Variants in GRIK2 observed in about 807,000 individuals in gnomAD.
The protein encoded by GRIK2 is glutamate ionotropic receptor kainate type subunit 2.
GRIK2 carries 32 observed loss-of-function variants against 100.3 expected under a neutral mutation model. The ratio of observed to expected loss-of-function variants is 0.32; its 90% CI spans 0.24 to 0.43. The LOEUF is 0.43. Ranked by LOEUF, GRIK2 falls within the 20% of genes least tolerant of loss-of-function variation. The probability of loss-of-function intolerance (pLI) is 1.00; values close to 1 mark genes in which losing one functional copy is unlikely to be tolerated. For synonymous variants in GRIK2, 417 were observed against 389.4 expected (o/e 1.07, Z -0.83); for missense variants, 843 against 1,114.9 (o/e 0.76, Z 3.47).
intron 2 of GRIK2, among the ~76,000 whole-genome samples, chr6:101,593,272 C>T (rs915951808): frequency 1.3e-5 from 2 of 151,812 alleles, no homozygotes; most frequent in Non-Finnish European, 2.9e-5. Flanking sequence ...AAGCAACTTC[C>T]TTCATAAAGA....
At chr6:101,704,981 A>ACATATATT (rs1773156076) in intron 7 of GRIK2, among the ~76,000 whole-genome samples, 3 of 146,076 alleles carry the variant, frequency 2.1e-5, no homozygotes, top group African/African-American at 7.5e-5. Flanking sequence ...TATTTATATT[A>ACATATATT]TATATTTATA....
At chr6:101,791,391 G>A (rs1014021921) in intron 7 of GRIK2, among the ~76,000 whole-genome samples, 31 of 152,124 alleles carry the variant, frequency 2.0e-4, no homozygotes, top group Non-Finnish European at 4.0e-4. Context: ...GTGTCCCAGC[G>A]ATTCTGGTAT....
chr6:101,436,608 G>A (rs1401029705), intron 2 of GRIK2, among the ~76,000 whole-genome samples: 1 of 152,072 alleles, frequency 6.6e-6, no homozygotes, highest in East Asian at 1.9e-4. Context: ...TCTGGATAGA[G>A]AATATATAAT....
rs145374301 is a variant in GRIK2 at position 101,510,371 on chromosome 6, C to A, written c.115+110979C>A. Among the ~76,000 whole-genome samples the A allele has an allele frequency of 5.3e-3, 803 of 152,186 alleles. 7 individuals are homozygous for A. Among genetic ancestry groups the A allele is most frequent in the African/African-American group, 0.018 (755 of 41,526 alleles). On this transcript the variant is annotated intron_variant, in intron 2 of 16. Transcript: ENST00000369134. ...TCTGGTGGTCATGGTTGAAATGTTG[C>A]TGTAGCACTTCCAATCCCATCATCT...
At chr6:102,062,344 A>C (rs1387765454) in intron 16 of GRIK2, among the ~76,000 whole-genome samples, 2 of 150,484 alleles carry the variant, frequency 1.3e-5, no homozygotes, top group African/African-American at 2.4e-5. Context: ...AGTCCAGGTA[A>C]AAAGCTCAGC....
intron 4 of GRIK2, among the ~76,000 whole-genome samples, chr6:101,660,943 G>A (rs972768573): frequency 3.3e-5 from 5 of 152,100 alleles, no homozygotes; most frequent in Admixed American, 6.6e-5. Context: ...CCAGTCAGGA[G>A]GCATGGGGAT....
intron 16 of GRIK2, among the ~76,000 whole-genome samples, chr6:102,061,428 C>T (rs994145519): frequency 6.7e-6 from 1 of 150,364 alleles, no homozygotes; most frequent in Admixed American, 6.7e-5. Context: ...AGTGTTTCAA[C>T]CATATCAAGC....
At chr6:101,971,206 A>G (rs955042396) in intron 14 of GRIK2, among the ~76,000 whole-genome samples, 3 of 144,414 alleles carry the variant, frequency 2.1e-5, no homozygotes, top group Non-Finnish European at 1.5e-5. Context: ...TTTCAAATAT[A>G]TTTTGTTAGC....
intron 11 of GRIK2, among the ~76,000 whole-genome samples, chr6:101,881,923 A>C (rs1786276886): frequency 6.6e-6 from 1 of 152,086 alleles, no homozygotes; most frequent in African/African-American, 2.4e-5. Context: ...GACATACCTG[A>C]GACTGGGTAA....
At chr6:101,725,701 G>A (rs923269422) in intron 7 of GRIK2, among the ~76,000 whole-genome samples, 3 of 151,970 alleles carry the variant, frequency 2.0e-5, no homozygotes, top group African/African-American at 7.2e-5. Context: ...AAGATTAAGT[G>A]TACAATTTTA....
At chr6:102,019,460 C>T (rs940084871) in intron 14 of GRIK2, among the ~76,000 whole-genome samples, 3 of 152,050 alleles carry the variant, frequency 2.0e-5, no homozygotes, top group African/African-American at 7.2e-5. Context: ...CCCAGACTAA[C>T]ATTCTTACTC....
At chr6:101,778,006 C>T (rs549357275) in intron 7 of GRIK2, among the ~76,000 whole-genome samples, 2 of 152,082 alleles carry the variant, frequency 1.3e-5, no homozygotes, top group Admixed American at 6.5e-5. Flanking sequence ...ATACCTATTT[C>T]TTTTATTGTT....
intron 2 of GRIK2, among the ~76,000 whole-genome samples, chr6:101,514,194 T>A (rs966292945): frequency 5.9e-5 from 9 of 152,084 alleles, no homozygotes; most frequent in East Asian, 3.8e-4. Context: ...CTGTATTTTT[T>A]AAAAAGAAAA....
At chr6:101,960,221 ATTTTTAATT>A (rs577070773) in intron 14 of GRIK2, among the ~76,000 whole-genome samples, 2,467 of 151,606 alleles carry the variant, frequency 0.016, 68 homozygotes, top group African/African-American at 0.058. Context: ...ATCTGTAATA[ATTTTTAATT>A]AACATCCTGA....
At chr6:101,895,031 G>A (rs1340766351) in intron 12 of GRIK2, among the ~76,000 whole-genome samples, 4 of 151,196 alleles carry the variant, frequency 2.6e-5, no homozygotes, top group Admixed American at 2.6e-4. Flanking sequence ...AAACTTTGGA[G>A]AATAAATTAC....
intron 4 of GRIK2, among the ~76,000 whole-genome samples, chr6:101,666,806 C>A (rs191374954): frequency 6.6e-6 from 1 of 151,948 alleles, no homozygotes; most frequent in Non-Finnish European, 1.5e-5. Context: ...ATAAAGATAC[C>A]CCTTACAGGA....
rs959517585 is a variant in GRIK2 at position 101,715,608 on chromosome 6, C to T, written c.951+29255C>T. On this transcript the variant is annotated intron_variant, in intron 7 of 16. Transcript: ENST00000369134. ...CAAGAATATAATATAGTCCAAACAACGGCCCATAAATGTTCTAGGTATGTG... is the reference window on the plus strand; with the variant it reads ...CAAGAATATAATATAGTCCAAACAATGGCCCATAAATGTTCTAGGTATGTG... Among the ~76,000 whole-genome samples, 9 of 151,790 alleles carry T rather than the reference C, an allele frequency of 5.9e-5. No homozygotes were observed. In the South Asian group the frequency reaches 1.2e-3, roughly 21 times the overall value.
At chr6:101,937,679 T>C (rs1008809332) in intron 14 of GRIK2, among the ~76,000 whole-genome samples, 1 of 151,796 alleles carries the variant, frequency 6.6e-6, no homozygotes, top group Admixed American at 6.6e-5. Context: ...AAAACAAACA[T>C]ACAAACAAAA....
At chr6:101,540,058 C>T (rs1356909676) in intron 2 of GRIK2, among the ~76,000 whole-genome samples, 1 of 151,632 alleles carries the variant, frequency 6.6e-6, no homozygotes, top group Non-Finnish European at 1.5e-5. Context: ...CATGAAAGGT[C>T]AGCACTTCTT....
Sources: gnomAD v4.1 joint callset for allele counts (sites outside exome capture counted in the v4.1 genomes callset) on GRCh38, gnomAD v4.1.1 for gene constraint, MANE v1.5 for transcripts, NCBI Gene and HGNC (gene_info 2026-07-23, HGNC 2026-07-21) for gene names.